The following CLU variants were observed in gnomAD, a reference collection of about 807,000 sequenced individuals.
CLU encodes the protein clusterin.
Under a neutral mutation model 46.4 loss-of-function variants are expected in CLU, and 25 were observed. That is an observed-to-expected ratio of 0.54 (90% CI 0.39 to 0.75). The LOEUF (loss-of-function observed/expected upper bound fraction) is 0.75, where lower values mean the gene tolerates loss of function less well. CLU is among the 30% of genes least tolerant of loss of function. The probability of loss-of-function intolerance (pLI) is 0.00; values close to 1 mark genes in which losing one functional copy is unlikely to be tolerated. For synonymous variants in CLU, 235 were observed against 235.1 expected (o/e 1.00, Z 0.00); for missense variants, 504 against 592.1 (o/e 0.85, Z 1.54).
intron 3 of CLU, among the ~76,000 whole-genome samples, chr8:27,607,563 A>T (rs1800844208): frequency 6.6e-6 from 1 of 152,114 alleles, no homozygotes; most frequent in South Asian, 2.1e-4. Flanking sequence ...GTCCATTTTG[A>T]ATATTATATG....
At chr8:27,608,500 GTTTC>G (rs976095503) in intron 3 of CLU, 1 of 282,538 alleles carries the variant, frequency 3.5e-6, no homozygotes, top group African/African-American at 2.2e-5. Context: ...GGCTTAAGAT[GTTTC>G]TTTATGAAGT....
intron 3 of CLU, 106 bp downstream of exon 3, chr8:27,608,832 G>A (rs1800869102): frequency 3.4e-5 from 40 of 1,173,394 alleles, no homozygotes; most frequent in Non-Finnish European, 4.7e-5. Flanking sequence ...CAGCCTGGGA[G>A]GACTGCGGGT....
intron 6 of CLU, chr8:27,604,070 A>G: frequency 1.7e-6 from 1 of 577,324 alleles, no homozygotes; most frequent in South Asian, 2.0e-5. Flanking sequence ...ACGACATCTC[A>G]CCGACTTCAG....
At chr8:27,612,468 G>A (rs1245040931) in intron 1 of CLU, among the ~76,000 whole-genome samples, 1 of 152,204 alleles carries the variant, frequency 6.6e-6, no homozygotes, top group Non-Finnish European at 1.5e-5. Flanking sequence ...GGCATTGGCA[G>A]TGTCTAATCA....
chr8:27,597,385 C>A lies in CLU; in HGVS notation c.*856G>T. The A allele has an allele frequency of 2.2e-6, 1 of 454,496 alleles. No individual in the cohort carries two copies. Among genetic ancestry groups the A allele is most frequent in the Non-Finnish European group, 4.4e-6 (1 of 226,776 alleles). The allele number at this position is 454,496 out of a possible 1,614,324, so 28.2% of individuals were successfully genotyped here. A position where few individuals can be genotyped will look rare whatever the true frequency, so the allele number is the denominator to read the frequency against. On this transcript the variant is annotated 3_prime_UTR_variant, in exon 9 of 9. Transcript: ENST00000316403. ...ATGGTTCAGACTAAAAGCCGAGAAA[C>A]GCCTGTGGTCCAGGGAAAGGTATGA...
Position 27,598,519 on chromosome 8 carries a change from G to A in CLU, c.1281C>T (p.Asn427=). ...VTVPVEVSRK[N]PKFMETVAEK... ...CCGCCACGGTCTCCATAAATTTAGG[G>A]TTCTTCCTGGAGACTTCTACAGGGA... The change falls in exon 8 of 9, where the codon AAC becomes AAT. Residue 427 remains asparagine, a synonymous_variant. Coordinates refer to ENST00000316403, the MANE Select transcript of CLU (RefSeq NM_001831.4). 1.2e-6 allele frequency: 2 copies of A among 1,614,128 alleles called. No individual in the cohort carries two copies. The highest frequency in any genetic ancestry group is 1.7e-6 in the Non-Finnish European group (2 of 1,180,040).
At chr8:27,598,364 C>T (rs1241364824) in intron 8 of CLU, 96 bp downstream of exon 8, 3 of 1,597,074 alleles carry the variant, frequency 1.9e-6, no homozygotes, top group African/African-American at 2.7e-5. Context: ...GGAGTCGTTC[C>T]CACCAGGCTA....
At chr8:27,608,097 G>T (rs1800854280) in intron 3 of CLU, among the ~76,000 whole-genome samples, 2 of 152,176 alleles carry the variant, frequency 1.3e-5, no homozygotes, top group African/African-American at 4.8e-5. Flanking sequence ...GGCCAAGAAA[G>T]GGCATGAAAC....
chr8:27,599,022 A>C lies in CLU; in HGVS notation c.1165-387T>G. ...CAGTACTAGAAATAAGTTTTATTTG[A>C]TTTTTTAACTTTATTTTATTATTTT... On this transcript the variant is annotated intron_variant, in intron 7 of 8. Transcript: ENST00000316403. The surrounding 1 kb of genome is among the most constrained non-coding windows in gnomAD (Gnocchi z 4.0). 6.5e-6 allele frequency: 1 copy of C among 154,150 alleles called. No individual in the cohort carries two copies. The highest frequency in any genetic ancestry group is 6.5e-5 in the Admixed American group (1 of 15,440). The allele number at this position is 154,150 out of a possible 1,614,324, so 9.5% of individuals were successfully genotyped here.
chr8:27,598,832 A>T (rs1800664837), intron 7 of CLU, 197 bp from the exon 8 acceptor site: 1 of 610,896 alleles, frequency 1.6e-6, no homozygotes, highest in Admixed American at 2.7e-5. Context: ...ACAGACACTC[A>T]TGTGTTGGGG....
intron 6 of CLU, 35 bp downstream of exon 6, chr8:27,604,255 CA>C (rs3216167): frequency 0.3 from 460,146 of 1,551,156 alleles, 72,410 homozygotes; most frequent in Admixed American, 0.47. Flanking sequence ...CACAAGGGAT[CA>C]GGGGGGACGG....
chr8:27,605,270 G>C lies in CLU; in HGVS notation c.483C>G (p.Ser161=), dbSNP rs2128909094. The C allele has an allele frequency of 1.2e-6, 2 of 1,614,176 alleles. No homozygotes were observed. Among genetic ancestry groups the C allele is most frequent in the Non-Finnish European group, 8.5e-7 (1 of 1,180,018 alleles). ...TCTGCTGCCGGTCGTTCTCCAGCAG[G>C]GAGTCGATGCGGTCACCATTCATCC... ...YFWMNGDRID[S]LLENDRQQTH... Residue 161 remains serine (S), a synonymous_variant, in exon 5 of 9, where the codon TCC becomes TCG. Transcript: ENST00000316403.
intron 3 of CLU, among the ~76,000 whole-genome samples, chr8:27,607,666 C>T (rs1800845780): frequency 6.6e-6 from 1 of 151,646 alleles, no homozygotes; most frequent in Non-Finnish European, 1.5e-5. Flanking sequence ...GTGACTTGTC[C>T]TTGGGCAAAA....
At chr8:27,614,182 T>C (rs1800975274) in intron 1 of CLU, 1 of 152,702 alleles carries the variant, frequency 6.5e-6, no homozygotes. Flanking sequence ...CAGGCAACAG[T>C]GTCCAGAGAG....
intron 4 of CLU, among the ~76,000 whole-genome samples, chr8:27,605,539 A>T (rs1166788944): frequency 6.6e-6 from 1 of 152,176 alleles, no homozygotes; most frequent in African/African-American, 2.4e-5. Flanking sequence ...TCCATGGGGG[A>T]CAGTTTTGAG....
chr8:27,608,633 C>T (rs1192586126), intron 3 of CLU: 2 of 537,144 alleles, frequency 3.7e-6, no homozygotes, highest in Non-Finnish European at 6.7e-6. Context: ...CCCCTGCCGC[C>T]ACCCCATCCA....
intron 2 of CLU, among the ~76,000 whole-genome samples, chr8:27,609,391 C>T (rs576992038): frequency 1.0e-5 from 1 of 97,096 alleles, no homozygotes; most frequent in East Asian, 4.7e-4. Flanking sequence ...AGAAACTTGG[C>T]AAGGAAAAAA....
At chr8:27,598,417 T>G (rs1331064062) in intron 8 of CLU, 43 bp downstream of exon 8, 1 of 1,612,176 alleles carries the variant, frequency 6.2e-7, no homozygotes, top group East Asian at 2.2e-5. Context: ...TCCCAGAGAC[T>G]CACTGGGCCC....
At chr8:27,608,670 C>G (rs1563388084) in intron 3 of CLU, 4 of 574,886 alleles carry the variant, frequency 7.0e-6, no homozygotes, top group Non-Finnish European at 1.2e-5. Flanking sequence ...AGCATGTGAT[C>G]AGGGCTTAGA....
Sources: allele counts gnomAD v4.1 joint callset (sites outside exome capture counted in the v4.1 genomes callset), GRCh38; gene constraint gnomAD v4.1.1; non-coding constraint Gnocchi (gnomAD v3.1); transcripts MANE v1.5; gene names NCBI Gene and HGNC (gene_info 2026-07-23, HGNC 2026-07-21).